The following GRIK1 variants were observed in gnomAD, a reference collection of about 807,000 sequenced individuals.
GRIK1 encodes glutamate receptor ionotropic, kainate 1.
GRIK1 carries 69 observed loss-of-function variants against 105.7 expected under a neutral mutation model. That is an observed-to-expected ratio of 0.65 (90% CI 0.54 to 0.80). The LOEUF is 0.80. GRIK1 is among the 30% of genes least tolerant of loss of function. The pLI is 0.00. For missense variants in GRIK1, 1,109 were observed against 1,167.3 expected, an observed-to-expected ratio of 0.95 and a Z score of 0.73; for synonymous variants, 438 against 431.3, an observed-to-expected ratio of 1.02 and a Z score of -0.19.
intron 16 of GRIK1, among the ~76,000 whole-genome samples, chr21:29,541,225 C>T (rs111438791): frequency 8.1e-4 from 124 of 152,318 alleles, no homozygotes; most frequent in African/African-American, 2.8e-3. Flanking sequence ...CTTGGCCTTG[C>T]AAAGTGCTGG....
intron 2 of GRIK1, among the ~76,000 whole-genome samples, chr21:29,692,370 A>G (rs1171377000): frequency 6.6e-6 from 1 of 152,158 alleles, no homozygotes; most frequent in Non-Finnish European, 1.5e-5. Flanking sequence ...GAGAAAGAAA[A>G]GTGATAGATC....
chr21:29,801,181 T>A (rs1325552047), intron 1 of GRIK1, among the ~76,000 whole-genome samples: 3 of 151,866 alleles, frequency 2.0e-5, no homozygotes, highest in Non-Finnish European at 4.4e-5. Context: ...AGTTGACCAT[T>A]TCTTCTACAC....
intron 14 of GRIK1, among the ~76,000 whole-genome samples, chr21:29,565,172 A>G (rs1033737514): frequency 5.3e-5 from 8 of 152,230 alleles, no homozygotes; most frequent in Non-Finnish European, 5.9e-5. Context: ...ACCCCTTGCT[A>G]TTCTCACTAG....
intron 1 of GRIK1, chr21:29,758,902 G>A (rs189694583): frequency 5.9e-5 from 9 of 153,310 alleles, no homozygotes; most frequent in Admixed American, 5.2e-4. Flanking sequence ...GTCTCTGGAT[G>A]CACAAGGAGC....
At chr21:29,880,620 G>A (rs954833472) in intron 1 of GRIK1, among the ~76,000 whole-genome samples, 5 of 152,156 alleles carry the variant, frequency 3.3e-5, no homozygotes, top group Non-Finnish European at 7.4e-5. Flanking sequence ...CCCATTTGTT[G>A]TTAAATGTGC....
intron 1 of GRIK1, among the ~76,000 whole-genome samples, chr21:29,719,832 C>T (rs1309493998): frequency 6.6e-6 from 1 of 152,176 alleles, no homozygotes; most frequent in East Asian, 1.9e-4. Flanking sequence ...TGTTTCAAGG[C>T]TCCTATGCAA....
At chr21:29,658,013 T>G (rs2062887337) in intron 4 of GRIK1, among the ~76,000 whole-genome samples, 1 of 152,238 alleles carries the variant, frequency 6.6e-6, no homozygotes, top group African/African-American at 2.4e-5. Flanking sequence ...TTTGATACAG[T>G]ACTTGTCTGC....
chr21:29,796,688 C>A (rs948824964), intron 1 of GRIK1, among the ~76,000 whole-genome samples: 26 of 152,104 alleles, frequency 1.7e-4, no homozygotes, highest in African/African-American at 5.3e-4. Context: ...GTAGCTCACA[C>A]CTGTAATCCC....
At chr21:29,817,067 C>A (rs970870493) in intron 1 of GRIK1, among the ~76,000 whole-genome samples, 3 of 151,950 alleles carry the variant, frequency 2.0e-5, no homozygotes, top group African/African-American at 7.3e-5. Context: ...ACACTTATTA[C>A]GTATCAATAA....
At chr21:29,913,137 T>C (rs1044110366) in intron 1 of GRIK1, among the ~76,000 whole-genome samples, 4 of 151,970 alleles carry the variant, frequency 2.6e-5, no homozygotes, top group Non-Finnish European at 4.4e-5. Flanking sequence ...AGCACCTGTG[T>C]TGCCCTGGCA....
chr21:29,836,112 C>A (rs1406966069), intron 1 of GRIK1, among the ~76,000 whole-genome samples: 1 of 152,180 alleles, frequency 6.6e-6, no homozygotes, highest in Non-Finnish European at 1.5e-5. Context: ...TCGGTCAGTG[C>A]ACTGTCCTTT....
intron 1 of GRIK1, among the ~76,000 whole-genome samples, chr21:29,740,640 A>T (rs200953382): frequency 1.3e-5 from 2 of 152,234 alleles, no homozygotes; most frequent in East Asian, 3.8e-4. Context: ...CTTCAGTGCC[A>T]CATGCCAAAA....
At chr21:29,794,457 G>A (rs1423671459) in intron 1 of GRIK1, among the ~76,000 whole-genome samples, 4 of 152,090 alleles carry the variant, frequency 2.6e-5, no homozygotes, top group Admixed American at 6.6e-5. Context: ...ACTACTTGAG[G>A]AAGTTACTTT....
chr21:29,680,766 C>A (rs1269075930), intron 3 of GRIK1, among the ~76,000 whole-genome samples: 1 of 152,160 alleles, frequency 6.6e-6, no homozygotes, highest in Non-Finnish European at 1.5e-5. Flanking sequence ...ATAAATTAAA[C>A]TTTATCATGG....
At chr21:29,694,755 T>G (rs551878656) in intron 1 of GRIK1, among the ~76,000 whole-genome samples, 1 of 152,192 alleles carries the variant, frequency 6.6e-6, no homozygotes, top group African/African-American at 2.4e-5. Context: ...CCATTCTTCT[T>G]TAGAATGAAG....
At chr21:29,731,780 C>A (rs1345098967) in intron 1 of GRIK1, among the ~76,000 whole-genome samples, 1 of 152,288 alleles carries the variant, frequency 6.6e-6, no homozygotes, top group East Asian at 1.9e-4. Flanking sequence ...TCATCTCATA[C>A]CATCTTAAAA....
intron 4 of GRIK1, chr21:29,657,720 A>G (rs2062881686): frequency 6.6e-6 from 1 of 152,244 alleles, no homozygotes; most frequent in Admixed American, 6.5e-5. Context: ...CAACAGCACC[A>G]AAGGCGGTGC....
At chr21:29,787,776 G>A (rs770394862) in intron 1 of GRIK1, among the ~76,000 whole-genome samples, 22 of 152,232 alleles carry the variant, frequency 1.4e-4, no homozygotes, top group Non-Finnish European at 2.8e-4. Flanking sequence ...TTGGTAGAAC[G>A]CCAGGAACAT....
intron 7 of GRIK1, among the ~76,000 whole-genome samples, chr21:29,636,771 A>G (rs571803261): frequency 6.6e-6 from 1 of 152,166 alleles, no homozygotes; most frequent in Non-Finnish European, 1.5e-5. Context: ...AATCATACCT[A>G]TACATAGCTA....
Sources: gnomAD v4.1 joint callset for allele counts (sites outside exome capture counted in the v4.1 genomes callset) on GRCh38, gnomAD v4.1.1 for gene constraint, MANE v1.5 for transcripts, NCBI Gene and HGNC (gene_info 2026-07-23, HGNC 2026-07-21) for gene names.